The following IL16 variants were observed in gnomAD, a reference collection of about 807,000 sequenced individuals.
IL16 encodes the protein interleukin 16.
In IL16, 67 loss-of-function variants were observed where a neutral mutation model predicts 110.1. The ratio of observed to expected loss-of-function variants is 0.61; its 90% CI spans 0.50 to 0.75. IL16 has a LOEUF of 0.75. IL16 is among the 30% of genes least tolerant of loss of function. The pLI is 0.00. For missense variants in IL16, 1,545 were observed against 1,655.0 expected, an observed-to-expected ratio of 0.93 and a Z score of 1.15; for synonymous variants, 689 against 662.9, an observed-to-expected ratio of 1.04 and a Z score of -0.61.
At chr15:81,185,241 G>T (rs190009079) in intron 1 of IL16, among the ~76,000 whole-genome samples, 44 of 152,240 alleles carry the variant, frequency 2.9e-4, no homozygotes, top group African/African-American at 9.6e-4. Flanking sequence ...GACAAGCATG[G>T]ATATAGTTTT....
In IL16 at chr15:81,311,033, C is replaced by T. The variant is rs1900826782; in HGVS notation, c.*2235C>T. 1.3e-5 allele frequency: 2 copies of T among 152,350 alleles called. 1 individual carries two copies. The highest frequency in any genetic ancestry group is 4.1e-4 in the South Asian group (2 of 4,832). 9.4% of individuals were successfully genotyped at this position (152,350 alleles called of 1,614,324 possible). A position where few individuals can be genotyped will look rare whatever the true frequency, so the allele number is the denominator to read the frequency against. On this transcript the variant is annotated 3_prime_UTR_variant, in exon 19 of 19. Coordinates refer to ENST00000683961, the MANE Select transcript of IL16 (RefSeq NM_172217.5). ...ATTGCCCAGGTTTCTGGTCTCTAGGCTGGGGAAGTCCTCTGGGTAGGAATC... is the reference window on the plus strand; with the variant it reads ...ATTGCCCAGGTTTCTGGTCTCTAGGTTGGGGAAGTCCTCTGGGTAGGAATC...
chr15:81,280,403 C>T (rs71399451), intron 8 of IL16, among the ~76,000 whole-genome samples: 3,029 of 152,334 alleles, frequency 0.02, 46 homozygotes, highest in Non-Finnish European at 0.03. Flanking sequence ...GGGTACTTGG[C>T]AGAGGCAGAG....
intron 1 of IL16, among the ~76,000 whole-genome samples, chr15:81,203,774 C>G (rs1895910189): frequency 6.6e-6 from 1 of 152,156 alleles, no homozygotes; most frequent in African/African-American, 2.4e-5. Context: ...CAACTTTGTT[C>G]TTTTGGCTTA....
chr15:81,266,582 C>T (rs774137148), intron 4 of IL16, among the ~76,000 whole-genome samples: 17 of 152,228 alleles, frequency 1.1e-4, no homozygotes, highest in Non-Finnish European at 2.2e-4. Flanking sequence ...GTGCTGCACG[C>T]TGCCACTTTT....
intron 1 of IL16, among the ~76,000 whole-genome samples, chr15:81,203,294 T>C (rs1274971966): frequency 6.6e-6 from 1 of 152,202 alleles, no homozygotes; most frequent in African/African-American, 2.4e-5. Context: ...TGATGGTAGT[T>C]TCTTTTGCTG....
intron 12 of IL16, among the ~76,000 whole-genome samples, chr15:81,294,469 C>A (rs1899889250): frequency 6.6e-6 from 1 of 152,214 alleles, no homozygotes; most frequent in Non-Finnish European, 1.5e-5. Flanking sequence ...GGCAGAGCCA[C>A]ATAGGGTCAG....
chr15:81,231,347 T>A (rs998522229), intron 2 of IL16, among the ~76,000 whole-genome samples: 4 of 138,010 alleles, frequency 2.9e-5, no homozygotes, highest in Admixed American at 7.3e-5. Context: ...TCTCTCTCTC[T>A]CTCTCTCTCT....
chr15:81,306,874 C>T (rs1171357532), intron 18 of IL16: 1 of 392,356 alleles, frequency 2.5e-6, no homozygotes, highest in Non-Finnish European at 4.8e-6. Context: ...CCAAAACACT[C>T]AGTAACTCAG....
intron 3 of IL16, among the ~76,000 whole-genome samples, chr15:81,262,294 T>C (rs1486947930): frequency 6.6e-6 from 1 of 152,238 alleles, no homozygotes; most frequent in Non-Finnish European, 1.5e-5. Context: ...ATTAAGGTGT[T>C]TTAATCTTTA....
intron 2 of IL16, among the ~76,000 whole-genome samples, chr15:81,239,574 T>G (rs1033886976): frequency 6.6e-6 from 1 of 152,220 alleles, no homozygotes; most frequent in Non-Finnish European, 1.5e-5. Flanking sequence ...CCCCTGAAGA[T>G]GAACTGGACC....
At chr15:81,248,479 T>G (rs1317790111) in intron 2 of IL16, among the ~76,000 whole-genome samples, 2 of 150,042 alleles carry the variant, frequency 1.3e-5, no homozygotes, top group African/African-American at 4.8e-5. Flanking sequence ...CTCTTTAAAA[T>G]TATTTTTATT....
chr15:81,207,520 C>T (rs1229744652), intron 1 of IL16, among the ~76,000 whole-genome samples: 1 of 151,732 alleles, frequency 6.6e-6, no homozygotes, highest in Non-Finnish European at 1.5e-5. Flanking sequence ...CCCCACCTCC[C>T]ACCCACCCCC....
At chr15:81,231,970 C>A (rs145302298) in intron 2 of IL16, among the ~76,000 whole-genome samples, 17 of 148,050 alleles carry the variant, frequency 1.1e-4, no homozygotes, top group African/African-American at 4.2e-4. Flanking sequence ...TATTTTTGCA[C>A]AGTTCAATTT....
chr15:81,297,403 G>A (rs536408251), intron 13 of IL16, among the ~76,000 whole-genome samples: 1 of 152,214 alleles, frequency 6.6e-6, no homozygotes, highest in East Asian at 1.9e-4. Context: ...CTACCTCTAG[G>A]GTGCCAACAT....
chr15:81,231,338 C>A (rs1315312808), intron 2 of IL16, among the ~76,000 whole-genome samples: 1 of 125,286 alleles, frequency 8.0e-6, no homozygotes, highest in African/African-American at 3.1e-5. Context: ...CTCTCTCTCT[C>A]TCTCTCTCTC....
In IL16 at chr15:81,313,237, C is replaced by A; in HGVS notation, c.*4439C>A. 1 of 1,527,480 alleles carries A rather than the reference C, an allele frequency of 6.5e-7. No homozygotes were observed. Among genetic ancestry groups the A allele is most frequent in the Non-Finnish European group, 8.8e-7 (1 of 1,133,160 alleles). 94.6% of individuals were successfully genotyped at this position (1,527,480 alleles called of 1,614,324 possible). ...CTCGATGAGTCACGGGAGTTCTTTG[C>A]CAAGAAGTAACGATAGCATTACTCA... On this transcript the variant is annotated 3_prime_UTR_variant, in exon 19 of 19. Coordinates refer to ENST00000683961, the MANE Select transcript of IL16 (RefSeq NM_172217.5).
intron 4 of IL16, among the ~76,000 whole-genome samples, chr15:81,268,264 A>G (rs1898479895): frequency 6.6e-6 from 1 of 152,190 alleles, no homozygotes; most frequent in Non-Finnish European, 1.5e-5. Flanking sequence ...TTATCCAGGG[A>G]ATGCTAGTAA....
rs1361337189 is a variant in IL16 at position 81,292,992 on chromosome 15, G to T, written c.1857G>T (p.Glu619Asp). 1.2e-6 allele frequency: 2 copies of T among 1,612,816 alleles called. No homozygotes were observed. Among genetic ancestry groups the T allele is most frequent in the Admixed American group, 1.7e-5 (1 of 59,998 alleles). ...CTCAGAAGAGTCTGGAAGAGAGAGA[G>T]AACTCCTCATGCTCTTCTGGGCACA... ...SDPQKSLEERENSSCSSGHTP... is the reference protein window; with the variant it reads ...SDPQKSLEERDNSSCSSGHTP... The change falls in exon 12 of 19, where the codon GAG (glutamate) becomes GAT (aspartate). Residue 619 changes from glutamate (E) to aspartate (D), a missense_variant. Transcript: ENST00000683961.
intron 2 of IL16, among the ~76,000 whole-genome samples, chr15:81,239,109 T>C (rs1897267690): frequency 6.6e-6 from 1 of 152,138 alleles, no homozygotes; most frequent in Non-Finnish European, 1.5e-5. Flanking sequence ...AGTTGTTGAT[T>C]TATTTGGGTT....
Sources: gnomAD v4.1 joint callset for allele counts (sites outside exome capture counted in the v4.1 genomes callset) on GRCh38, gnomAD v4.1.1 for gene constraint, MANE v1.5 for transcripts, NCBI Gene and HGNC (gene_info 2026-07-23, HGNC 2026-07-21) for gene names.